Variants in MYZAP observed in about 807,000 individuals in gnomAD.
MYZAP encodes GRINL1A complex locus upstream.
In MYZAP, 66 loss-of-function variants were observed where a neutral mutation model predicts 69.4. The ratio of observed to expected loss-of-function variants is 0.95; its 90% CI spans 0.78 to 1.17. The LOEUF (loss-of-function observed/expected upper bound fraction) is 1.17. MYZAP is among the 50% of genes most tolerant of loss of function. The pLI, the probability that MYZAP is intolerant of heterozygous loss-of-function variation, is 0.00. For synonymous variants in MYZAP, 256 were observed against 205.9 expected (o/e 1.24, Z -2.09); for missense variants, 611 against 556.2 (o/e 1.10, Z -0.99).
intron 1 of MYZAP, among the ~76,000 whole-genome samples, chr15:57,603,631 A>G (rs1318545810): frequency 3.9e-5 from 6 of 152,178 alleles, no homozygotes; most frequent in African/African-American, 1.2e-4. Context: ...AGTGTCTTCA[A>G]GGTTTATCCA....
intron 12 of MYZAP, among the ~76,000 whole-genome samples, chr15:57,676,412 ATATATATG>A (rs1382415555): frequency 8.4e-3 from 180 of 21,440 alleles, no homozygotes; most frequent in African/African-American, 0.011. Flanking sequence ...ATATATATGT[ATATATATG>A]TGTATATATA....
rs2036568608 is a variant in MYZAP at position 57,632,517 on chromosome 15, G to C, written c.762G>C (p.Gln254His). The C allele has an allele frequency of 1.2e-6, 2 of 1,614,120 alleles. No homozygotes were observed. Among genetic ancestry groups the C allele is most frequent in the African/African-American group, 2.7e-5 (2 of 74,942 alleles). ...ACAGCCAGTATGAGGAGAAGCTGCA[G>C]GAAGAACAGAGGAAGCACAGTGCTG... Reference protein sequence around the residue: ...KLYSQYEEKLQEEQRKHSAEK... With the variant: ...KLYSQYEEKLHEEQRKHSAEK... Residue 254 changes from glutamine (Q) to histidine (H), a missense_variant, in exon 7 of 13, where the codon CAG (glutamine) becomes CAC (histidine). Transcript: ENST00000267853.
chr15:57,625,728 C>G (rs779359863), intron 4 of MYZAP, 51 bp from the exon 5 acceptor site: 4 of 1,548,764 alleles, frequency 2.6e-6, no homozygotes, highest in Admixed American at 3.3e-5. Context: ...TGAAGATTGT[C>G]GTGAACGTGT....
chr15:57,657,977 T>C (rs1273811102), intron 10 of MYZAP, among the ~76,000 whole-genome samples: 7 of 152,196 alleles, frequency 4.6e-5, no homozygotes, highest in Admixed American at 4.6e-4. Context: ...CTGTTTTTAA[T>C]TGGTGATGTC....
chr15:57,611,881 A>C (rs1215606017), intron 2 of MYZAP, among the ~76,000 whole-genome samples: 1 of 152,150 alleles, frequency 6.6e-6, no homozygotes, highest in Non-Finnish European at 1.5e-5. Flanking sequence ...CTGGGACTAC[A>C]GGCATACACC....
intron 2 of MYZAP, among the ~76,000 whole-genome samples, chr15:57,617,091 C>G (rs2035514714): frequency 6.6e-6 from 1 of 151,892 alleles, no homozygotes; most frequent in Non-Finnish European, 1.5e-5. Flanking sequence ...CTAAACATAG[C>G]CTGCAGTATG....
chr15:57,624,515 A>G (rs1196666776), intron 4 of MYZAP, among the ~76,000 whole-genome samples: 1 of 152,224 alleles, frequency 6.6e-6, no homozygotes, highest in Non-Finnish European at 1.5e-5. Context: ...GTGGGAGGAC[A>G]TTTGTGAAAT....
At chr15:57,604,113 T>G (rs7163748) in intron 1 of MYZAP, among the ~76,000 whole-genome samples, 156 bp from the exon 2 acceptor site, 76,126 of 151,984 alleles carry the variant, frequency 0.5, 19,578 homozygotes, top group Non-Finnish European at 0.57. Flanking sequence ...ACTGTGAAGG[T>G]AAGGCTGGCC....
At chr15:57,682,250 G>A (rs542348218) in intron 12 of MYZAP, among the ~76,000 whole-genome samples, 14 of 152,308 alleles carry the variant, frequency 9.2e-5, no homozygotes, top group South Asian at 2.1e-4. Flanking sequence ...GAGAGAGAGC[G>A]TGGGGGATTA....
intron 3 of MYZAP, among the ~76,000 whole-genome samples, chr15:57,619,733 G>C (rs2934437): frequency 0.78 from 118,411 of 152,162 alleles, 46,400 homozygotes; most frequent in East Asian, 0.93. Context: ...TAATTTTCTT[G>C]TATTTTTTTC....
chr15:57,599,461 C>A, intron 1 of MYZAP: 1 of 1,177,038 alleles, frequency 8.5e-7, no homozygotes, highest in Non-Finnish European at 1.1e-6. Flanking sequence ...CAGCTTCCTG[C>A]TTTGATCTCC....
chr15:57,655,334 T>C (rs1428412901), intron 10 of MYZAP, among the ~76,000 whole-genome samples: 1 of 151,946 alleles, frequency 6.6e-6, no homozygotes, highest in African/African-American at 2.4e-5. Flanking sequence ...AAATATAGGG[T>C]TCATTGTAGG....
Position 57,604,287 on chromosome 15 carries a change from C to T in MYZAP, c.94C>T (p.Arg32Trp), listed in dbSNP as rs574457473. 2.4e-5 allele frequency: 38 copies of T among 1,614,036 alleles called. No homozygotes were observed. The highest frequency in any genetic ancestry group is 1.6e-4 in the Middle Eastern group (1 of 6,084). ...CTTCTAGGCAAATGTTTGCAGACTA[C>T]GGCTGACCGTACCTCCTGAGAGTCC... Reference protein sequence around the residue: ...PSRRANVCRLRLTVPPESPVP... With the variant: ...PSRRANVCRLWLTVPPESPVP... The change falls in exon 2 of 13, where the codon CGG becomes TGG. Residue 32 changes from arginine (R) to tryptophan (W), a missense_variant. Physicochemically the swap from Arg to Trp is moderately radical, Grantham distance 101. Transcript: ENST00000267853.
intron 11 of MYZAP, among the ~76,000 whole-genome samples, chr15:57,666,231 A>T (rs1327950461): frequency 1.3e-5 from 2 of 152,100 alleles, no homozygotes; most frequent in Non-Finnish European, 2.9e-5. Context: ...GCTTAGATCA[A>T]CTCTGAGATT....
At chr15:57,635,479 G>A (rs75545999) in intron 8 of MYZAP, among the ~76,000 whole-genome samples, 7,132 of 152,260 alleles carry the variant, frequency 0.047, 504 homozygotes, top group African/African-American at 0.16. Flanking sequence ...GCCCTCATGT[G>A]GGATGAATGG....
intron 3 of MYZAP, 103 bp from the exon 4 acceptor site, chr15:57,621,505 C>A (rs572532953): frequency 9.6e-6 from 13 of 1,360,568 alleles, no homozygotes; most frequent in African/African-American, 1.5e-5. Context: ...AGCCACCGCA[C>A]CTGGCCGGGG....
intron 10 of MYZAP, among the ~76,000 whole-genome samples, chr15:57,654,217 T>C (rs759968205): frequency 6.6e-6 from 1 of 152,082 alleles, no homozygotes; most frequent in South Asian, 2.1e-4. Flanking sequence ...TCCCCTCTTT[T>C]GGCTAGCCTT....
At chr15:57,659,969 G>A (rs2733602) in intron 10 of MYZAP, among the ~76,000 whole-genome samples, 53,268 of 151,762 alleles carry the variant, frequency 0.35, 9,582 homozygotes, top group African/African-American at 0.38. Context: ...GCAAATACAT[G>A]TGCATTCATG....
intron 1 of MYZAP, among the ~76,000 whole-genome samples, chr15:57,594,661 C>G (rs1245332945): frequency 3.3e-5 from 5 of 152,234 alleles, no homozygotes; most frequent in African/African-American, 1.2e-4. Flanking sequence ...TAAGTGCACT[C>G]TATGATGATT....
Sources: gnomAD v4.1 joint callset for allele counts (sites outside exome capture counted in the v4.1 genomes callset) on GRCh38, gnomAD v4.1.1 for gene constraint, MANE v1.5 for transcripts, NCBI Gene and HGNC (gene_info 2026-07-23, HGNC 2026-07-21) for gene names.